The following SPON1 variants were observed in gnomAD, a reference collection of about 807,000 sequenced individuals.
SPON1 encodes the protein spondin 1.
Under a neutral mutation model 111.7 loss-of-function variants are expected in SPON1, and 52 were observed. The observed-to-expected ratio is 0.47, with a 90% CI of 0.37 to 0.59. The LOEUF (loss-of-function observed/expected upper bound fraction) is 0.59, where lower values mean the gene tolerates loss of function less well. Among genes scored for constraint, SPON1 ranks in the 20% least tolerant of loss-of-function variants. The pLI, the probability that SPON1 is intolerant of heterozygous loss-of-function variation, is 0.00. For missense variants in SPON1, 957 were observed against 1,068.5 expected (o/e 0.90, Z 1.46); for synonymous variants, 410 against 395.8 (o/e 1.04, Z -0.43).
At chr11:13,994,724 A>G (rs782721661) in intron 2 of SPON1, among the ~76,000 whole-genome samples, 3 of 152,232 alleles carry the variant, frequency 2.0e-5, no homozygotes, top group Non-Finnish European at 4.4e-5. Flanking sequence ...AACAATAACA[A>G]GAAAAATACT....
rs1554941399 is a variant in SPON1 at position 14,257,811 on chromosome 11, A to G, written c.1405A>G (p.Met469Val). 1.2e-6 allele frequency: 2 copies of G among 1,609,872 alleles called. No individual in the cohort carries two copies. Among genetic ancestry groups the G allele is most frequent in the East Asian group, 2.2e-5 (1 of 44,762 alleles). The change falls in exon 11 of 16, where the codon ATG becomes GTG. Residue 469 changes from methionine to valine, a missense_variant. Transcript: ENST00000576479. ...CAAAGGCAAGAGGATGCGACAGCGC[A>G]TGCTGAAAGCACAGCTGGACCTCAG... is the stretch of plus-strand genomic sequence containing the variant. ...CDKGKRMRQR[M>V]LKAQLDLSVP...
chr11:14,044,762 A>G (rs767833160), intron 3 of SPON1, among the ~76,000 whole-genome samples: 2 of 152,216 alleles, frequency 1.3e-5, no homozygotes, highest in East Asian at 3.8e-4. Context: ...ACATAGTTTC[A>G]TTCCTGTGGG....
chr11:13,993,966 A>G (rs944013273), intron 2 of SPON1, among the ~76,000 whole-genome samples: 2 of 152,220 alleles, frequency 1.3e-5, no homozygotes, highest in Non-Finnish European at 2.9e-5. Flanking sequence ...AAACAAAAGG[A>G]TATTTGTCTG....
intron 6 of SPON1, among the ~76,000 whole-genome samples, chr11:14,237,504 C>T (rs1018420427): frequency 1.3e-5 from 2 of 152,214 alleles, no homozygotes; most frequent in Admixed American, 6.5e-5. Context: ...GCGTTGGAAT[C>T]GTGGTTCCTG....
At chr11:14,237,177 A>C (rs1848877192) in intron 6 of SPON1, among the ~76,000 whole-genome samples, 2 of 152,226 alleles carry the variant, frequency 1.3e-5, no homozygotes, top group South Asian at 4.1e-4. Flanking sequence ...CCCAGGCATG[A>C]AAAAGTTACC....
At chr11:14,170,740 T>C (rs1185761467) in intron 6 of SPON1, among the ~76,000 whole-genome samples, 7 of 152,220 alleles carry the variant, frequency 4.6e-5, no homozygotes, top group Non-Finnish European at 1.0e-4. Flanking sequence ...TTTCTGCATC[T>C]ATTGAGATAA....
At chr11:14,059,317 G>A (rs1215168984) in intron 3 of SPON1, among the ~76,000 whole-genome samples, 1 of 152,178 alleles carries the variant, frequency 6.6e-6, no homozygotes, top group Non-Finnish European at 1.5e-5. Context: ...AAGAAACTGG[G>A]CACAAAGTTG....
chr11:14,200,511 G>A (rs2133896361), intron 6 of SPON1, among the ~76,000 whole-genome samples: 1 of 152,124 alleles, frequency 6.6e-6, no homozygotes, highest in Middle Eastern at 3.4e-3. Flanking sequence ...AAGATCTTTT[G>A]GCTGGTTTCT....
chr11:14,057,565 T>C (rs1433324201), intron 3 of SPON1, among the ~76,000 whole-genome samples: 1 of 152,140 alleles, frequency 6.6e-6, no homozygotes, highest in Non-Finnish European at 1.5e-5. Context: ...GAGAATATCT[T>C]TGCAAGAATT....
chr11:14,114,146 T>C (rs934768921), intron 5 of SPON1, among the ~76,000 whole-genome samples: 1 of 152,162 alleles, frequency 6.6e-6, no homozygotes, highest in African/African-American at 2.4e-5. Context: ...TACTAGGTCT[T>C]ATTCATTCTT....
At chr11:14,067,163 TG>T (rs1554920431) in intron 3 of SPON1, among the ~76,000 whole-genome samples, 11 of 149,410 alleles carry the variant, frequency 7.4e-5, no homozygotes, top group Non-Finnish European at 6.0e-5. Flanking sequence ...GGCGAGACAG[TG>T]AGACTCTGCC....
intron 5 of SPON1, among the ~76,000 whole-genome samples, chr11:14,103,542 AGAG>A (rs781980761): frequency 2.6e-5 from 4 of 152,212 alleles, no homozygotes; most frequent in African/African-American, 4.8e-5. Flanking sequence ...GCCAGAGGAA[AGAG>A]GAGGATTCAT....
chr11:14,244,377 G>A (rs1369691614), intron 7 of SPON1, among the ~76,000 whole-genome samples: 2 of 152,126 alleles, frequency 1.3e-5, no homozygotes, highest in Non-Finnish European at 2.9e-5. Flanking sequence ...AATTAGCTGG[G>A]TGTGGTGGCA....
intron 1 of SPON1, among the ~76,000 whole-genome samples, chr11:13,976,456 G>A (rs931844454): frequency 6.6e-6 from 1 of 152,140 alleles, no homozygotes; most frequent in Non-Finnish European, 1.5e-5. Context: ...AAATTATACT[G>A]TGTAACAACA....
chr11:14,060,349 G>A (rs953518682), intron 3 of SPON1, among the ~76,000 whole-genome samples: 2 of 152,144 alleles, frequency 1.3e-5, no homozygotes, highest in Non-Finnish European at 1.5e-5. Flanking sequence ...GTTTTAGCTG[G>A]GAATTTCCTT....
intron 5 of SPON1, among the ~76,000 whole-genome samples, chr11:14,134,162 T>G (rs1473878049): frequency 1.3e-5 from 2 of 152,148 alleles, no homozygotes; most frequent in African/African-American, 2.4e-5. Flanking sequence ...GTTCACCCAG[T>G]TCAAGTTTTC....
At chr11:14,189,137 G>A (rs577078463) in intron 6 of SPON1, among the ~76,000 whole-genome samples, 25 of 152,304 alleles carry the variant, frequency 1.6e-4, no homozygotes, top group Middle Eastern at 3.4e-3. Flanking sequence ...GAGGTTCAAT[G>A]CACAGATGGC....
In SPON1 at chr11:14,178,062, A is replaced by G. The variant is rs551990706; in HGVS notation, c.825+42494A>G. ...CACACACAAACACACACACACACAC[A>G]CACACACACACACGCTTTGGTCTCC... On this transcript the variant is annotated intron_variant, in intron 6 of 15. Transcript: ENST00000576479. Among the ~76,000 whole-genome samples, 18 of 151,058 alleles carry G rather than the reference A, an allele frequency of 1.2e-4. No individual in the cohort carries two copies. The East Asian group carries it at 3.3e-3, about 28-fold the overall frequency.
At chr11:13,983,163 C>G (rs1330578224) in intron 2 of SPON1, among the ~76,000 whole-genome samples, 1 of 152,262 alleles carries the variant, frequency 6.6e-6, no homozygotes, top group Non-Finnish European at 1.5e-5. Flanking sequence ...CTTGTTTTGT[C>G]TCAGCAGATC....
Sources: allele counts gnomAD v4.1 joint callset (sites outside exome capture counted in the v4.1 genomes callset), GRCh38; gene constraint gnomAD v4.1.1; transcripts MANE v1.5; gene names NCBI Gene and HGNC (gene_info 2026-07-23, HGNC 2026-07-21).